The following GDPD4 variants were observed in gnomAD, a reference collection of about 807,000 sequenced individuals.
GDPD4 encodes the protein glycerophosphodiester phosphodiesterase 6.
In GDPD4, 60 loss-of-function variants were observed where a neutral mutation model predicts 67.8. The ratio of observed to expected loss-of-function variants is 0.88; its 90% CI spans 0.72 to 1.10. The LOEUF is 1.10. GDPD4 is among the 50% of genes least tolerant of loss of function. The pLI, the probability that GDPD4 is intolerant of heterozygous loss-of-function variation, is 0.00. For missense variants in GDPD4, 623 were observed against 613.9 expected, an observed-to-expected ratio of 1.01 and a Z score of -0.16; for synonymous variants, 212 against 210.9, an observed-to-expected ratio of 1.00 and a Z score of -0.04.
intron 13 of GDPD4, among the ~76,000 whole-genome samples, chr11:77,242,941 A>AGATTATT (rs1958700888): frequency 9.2e-6 from 1 of 109,284 alleles, no homozygotes; most frequent in Non-Finnish European, 2.1e-5. Context: ...AATCTATTAT[A>AGATTATT]GATAGGTAGA....
rs1385264869 is a variant in GDPD4 at position 77,258,447 on chromosome 11, G to A, written c.803C>T (p.Ala268Val). Residue 268 changes from alanine to valine, a missense_variant, in exon 11 of 17, where the codon GCC becomes GTC. Physicochemically the swap from Ala to Val is moderately conservative, Grantham distance 64. Transcript: ENST00000315938. ...CGATAGGAAATCCCAGTTGAAGAAGGCAGGGTTCTCGCAGGCAGATTCTGG... is the reference window on the plus strand; with the variant it reads ...CGATAGGAAATCCCAGTTGAAGAAGACAGGGTTCTCGCAGGCAGATTCTGG... ...VQPESACENPAFFNWDFLSTL... is the reference protein window; with the variant it reads ...VQPESACENPVFFNWDFLSTL... The A allele has an allele frequency of 1.9e-6, 3 of 1,613,980 alleles. No individual in the cohort carries two copies. In the African/African-American group the frequency reaches 4.0e-5, roughly 22 times the overall value.
intron 1 of GDPD4, among the ~76,000 whole-genome samples, chr11:77,299,027 G>T (rs1938073689): frequency 6.6e-6 from 1 of 151,946 alleles, no homozygotes; most frequent in South Asian, 2.1e-4. Flanking sequence ...ACAGGAATTT[G>T]GACAAGATAA....
intron 13 of GDPD4, among the ~76,000 whole-genome samples, chr11:77,239,633 G>A (rs1010922484): frequency 6.6e-6 from 1 of 152,062 alleles, no homozygotes; most frequent in Non-Finnish European, 1.5e-5. Flanking sequence ...TTACCAAGGA[G>A]GTGAAAGATC....
chr11:77,273,993 T>A (rs901652058), intron 5 of GDPD4, among the ~76,000 whole-genome samples: 5 of 152,216 alleles, frequency 3.3e-5, no homozygotes, highest in Non-Finnish European at 2.9e-5. Context: ...GGGGATGATG[T>A]GCTTCTGCTG....
intron 5 of GDPD4, among the ~76,000 whole-genome samples, chr11:77,274,040 G>C (rs2135876434): frequency 6.6e-6 from 1 of 152,314 alleles, no homozygotes; most frequent in African/African-American, 2.4e-5. Context: ...ACTGGCACAG[G>C]CAACATAAGC....
chr11:77,296,615 C>A (rs983233275), intron 1 of GDPD4, among the ~76,000 whole-genome samples: 9 of 151,654 alleles, frequency 5.9e-5, no homozygotes, highest in African/African-American at 1.7e-4. Flanking sequence ...GCTACTGCAC[C>A]CGGCCAGATG....
intron 13 of GDPD4, among the ~76,000 whole-genome samples, chr11:77,237,165 C>G (rs984239217): frequency 6.6e-6 from 1 of 152,126 alleles, no homozygotes; most frequent in Non-Finnish European, 1.5e-5. Flanking sequence ...TGTGAGTTAA[C>G]CCTGCAGAAA....
At chr11:77,249,548 G>A (rs776047595) in intron 11 of GDPD4, among the ~76,000 whole-genome samples, 1 of 152,180 alleles carries the variant, frequency 6.6e-6, no homozygotes, top group Non-Finnish European at 1.5e-5. Context: ...TGTAATAGAG[G>A]TGAGGACACA....
intron 16 of GDPD4, among the ~76,000 whole-genome samples, chr11:77,221,597 C>CA (rs1958225308): frequency 6.6e-6 from 1 of 152,132 alleles, no homozygotes; most frequent in Admixed American, 6.6e-5. Context: ...GTCTGAGAGA[C>CA]AGTTTGTTGT....
chr11:77,258,505 G>A lies in GDPD4; in HGVS notation c.745C>T (p.Leu249=). 6.2e-7 allele frequency: 1 copy of A among 1,613,970 alleles called. No homozygotes were observed. The highest frequency in any genetic ancestry group is 8.5e-7 in the Non-Finnish European group (1 of 1,179,918). ...HVPFLMHDFD[L]KRTTNIGEVQ... is the part of the protein sequence containing the mutation. ...TCCCCAATATTGGTTGTTCTTTTCAGGTCAAAGTCATGCATGAGGAAAGGC... is the reference window on the plus strand; with the variant it reads ...TCCCCAATATTGGTTGTTCTTTTCAAGTCAAAGTCATGCATGAGGAAAGGC... Residue 249 remains leucine (L), a synonymous_variant, in exon 11 of 17, where the codon CTG becomes TTG. Coordinates refer to ENST00000315938, the MANE Select transcript of GDPD4 (RefSeq NM_182833.3).
At chr11:77,256,248 A>G (rs1461144991) in intron 11 of GDPD4, among the ~76,000 whole-genome samples, 1 of 152,206 alleles carries the variant, frequency 6.6e-6, no homozygotes, top group African/African-American at 2.4e-5. Context: ...CATCTAGAAC[A>G]CACCTTTGCC....
intron 1 of GDPD4, among the ~76,000 whole-genome samples, chr11:77,288,523 C>T (rs1285570194): frequency 6.6e-6 from 1 of 152,156 alleles, no homozygotes; most frequent in Non-Finnish European, 1.5e-5. Flanking sequence ...AAACCACTGA[C>T]AAAATCATAG....
chr11:77,266,199 T>C (rs1485143370), intron 10 of GDPD4, among the ~76,000 whole-genome samples: 2 of 152,150 alleles, frequency 1.3e-5, no homozygotes, highest in East Asian at 3.8e-4. Flanking sequence ...TTCTGGGGTG[T>C]ATGGTAAGTA....
At chr11:77,297,603 C>A (rs1938019935) in intron 1 of GDPD4, among the ~76,000 whole-genome samples, 1 of 151,454 alleles carries the variant, frequency 6.6e-6, no homozygotes, top group Non-Finnish European at 1.5e-5. Flanking sequence ...CCAGCTTTGC[C>A]ATATTTAGCT....
At chr11:77,242,803 A>T (rs909797748) in intron 13 of GDPD4, among the ~76,000 whole-genome samples, 1 of 152,272 alleles carries the variant, frequency 6.6e-6, no homozygotes, top group African/African-American at 2.4e-5. Context: ...TTCCAACGCT[A>T]AAAGAAAAAA....
chr11:77,230,822 C>T (rs539409993), intron 14 of GDPD4, among the ~76,000 whole-genome samples: 1 of 152,274 alleles, frequency 6.6e-6, no homozygotes, highest in South Asian at 2.1e-4. Flanking sequence ...TCTCTCCCAC[C>T]CTGAATCTGA....
chr11:77,241,710 C>T (rs180917578), intron 13 of GDPD4, among the ~76,000 whole-genome samples: 65 of 149,316 alleles, frequency 4.4e-4, no homozygotes, highest in Admixed American at 5.4e-4. Flanking sequence ...TTTGGGATGC[C>T]GAGGCGGGTG....
intron 11 of GDPD4, among the ~76,000 whole-genome samples, chr11:77,252,071 T>TTG (rs1565523370): frequency 2.8e-4 from 40 of 141,044 alleles, no homozygotes; most frequent in South Asian, 4.3e-4. Flanking sequence ...TTTTGTTTTT[T>TTG]TTTTTTTTTT....
intron 13 of GDPD4, among the ~76,000 whole-genome samples, chr11:77,241,677 G>A (rs998544468): frequency 6.8e-6 from 1 of 147,008 alleles, no homozygotes; most frequent in South Asian, 2.1e-4. Flanking sequence ...TGGCACAGTG[G>A]CTCACACCTG....
Sources: allele counts gnomAD v4.1 joint callset (sites outside exome capture counted in the v4.1 genomes callset), GRCh38; gene constraint gnomAD v4.1.1; transcripts MANE v1.5; gene names NCBI Gene and HGNC (gene_info 2026-07-23, HGNC 2026-07-21).